The following RYR2 variants were observed in gnomAD, a reference collection of about 807,000 sequenced individuals.
The protein encoded by RYR2 is cardiac muscle ryanodine receptor-calcium release channel.
A neutral mutation model predicts 601.1 loss-of-function variants in RYR2; 227 were observed. The ratio of observed to expected loss-of-function variants is 0.38; its 90% CI spans 0.34 to 0.42. The LOEUF (loss-of-function observed/expected upper bound fraction) is 0.42. RYR2 is among the 10% of genes least tolerant of loss of function. The probability of loss-of-function intolerance (pLI) is 1.00; values close to 1 mark genes in which losing one functional copy is unlikely to be tolerated. For missense variants in RYR2, 4,646 were observed against 6,156.5 expected, an observed-to-expected ratio of 0.75 and a Z score of 8.21; for synonymous variants, 2,223 against 2,175.1, an observed-to-expected ratio of 1.02 and a Z score of -0.61.
At chr1:237,441,273 T>C in intron 12 of RYR2, 46 bp from the exon 13 acceptor site, 2 of 1,605,786 alleles carry the variant, frequency 1.2e-6, no homozygotes, top group Non-Finnish European at 1.7e-6. Flanking sequence ...CATACACTAG[T>C]ATTTTTGAAA....
intron 4 of RYR2, among the ~76,000 whole-genome samples, chr1:237,361,062 C>T (rs1699745829): frequency 6.6e-6 from 1 of 152,196 alleles, no homozygotes; most frequent in East Asian, 1.9e-4. Flanking sequence ...GCTAGTCTTG[C>T]ACTCCTGGGC....
rs1278689418 is a variant in RYR2 at position 237,610,996 on chromosome 1, C to T, written c.4910+8C>T. 1.9e-6 allele frequency: 3 copies of T among 1,605,290 alleles called. No homozygotes were observed. The highest frequency in any genetic ancestry group is 2.2e-5 in the South Asian group (2 of 89,556). ...TATCCCTGAGGAAAACAGGTCAGCC[C>T]CAGTGAATCCCTGACATTCTGATTG... On this transcript the variant is annotated splice_region_variant and intron_variant, in intron 36 of 104. Transcript: ENST00000366574. This position sits in a 1 kb window ranked among gnomAD's most constrained non-coding sequence, Gnocchi z 4.9.
At chr1:237,790,411 T>TACTA (rs1658232448) in intron 92 of RYR2, among the ~76,000 whole-genome samples, 1 of 152,128 alleles carries the variant, frequency 6.6e-6, no homozygotes. Flanking sequence ...TGACGTCTTG[T>TACTA]ACTAACTTTC....
At chr1:237,799,334 G>A (rs1659670167) in intron 97 of RYR2, among the ~76,000 whole-genome samples, 1 of 152,068 alleles carries the variant, frequency 6.6e-6, no homozygotes, top group African/African-American at 2.4e-5. Context: ...AACATTTTCA[G>A]ATCCTTAACA....
At position 237,106,142 on chromosome 1, in the gene RYR2, T is replaced by C. The variant is rs576353501; in HGVS notation, c.48+63573T>C. Among the ~76,000 whole-genome samples, 49 of 152,260 alleles carry C rather than the reference T, an allele frequency of 3.2e-4. No homozygotes were observed. Among genetic ancestry groups the C allele is most frequent in the African/African-American group, 1.1e-3 (47 of 41,558 alleles). ...GGGCTCTTGCTATTACTTTTAGCCA[T>C]ATGGGAGTCATTGCAATCCTTTGAG... On this transcript the variant is annotated intron_variant, in intron 1 of 104. Transcript: ENST00000366574. The surrounding 1 kb of genome is among the most constrained non-coding windows in gnomAD (Gnocchi z 4.4).
chr1:237,387,517 A>G (rs1242501979), intron 9 of RYR2, 137 bp downstream of exon 9: 3 of 717,720 alleles, frequency 4.2e-6, no homozygotes, highest in Non-Finnish European at 7.0e-6. Flanking sequence ...GATACCTGAC[A>G]TTTGAGGATC....
At chr1:237,082,299 AAGCATG>A (rs1665796025) in intron 1 of RYR2, among the ~76,000 whole-genome samples, 6 of 140,686 alleles carry the variant, frequency 4.3e-5, no homozygotes, top group African/African-American at 1.6e-4. Context: ...ACTAAGCACT[AAGCATG>A]ACTCTATTCT....
intron 11 of RYR2, among the ~76,000 whole-genome samples, chr1:237,422,534 A>G (rs1705700295): frequency 6.6e-6 from 1 of 152,002 alleles, no homozygotes; most frequent in Non-Finnish European, 1.5e-5. Flanking sequence ...TAATTGTTCC[A>G]CAATATTAAA....
intron 1 of RYR2, among the ~76,000 whole-genome samples, chr1:237,110,414 C>T (rs570192082): frequency 7.0e-6 from 1 of 142,842 alleles, no homozygotes; most frequent in Non-Finnish European, 1.5e-5. Flanking sequence ...ATCCCTCCCC[C>T]CTCCCCCCAT....
chr1:237,627,452 A>G (rs1679793862), intron 40 of RYR2, among the ~76,000 whole-genome samples: 1 of 152,236 alleles, frequency 6.6e-6, no homozygotes, highest in Non-Finnish European at 1.5e-5. Flanking sequence ...GAAGAAAATA[A>G]TAGAACAAAA....
intron 27 of RYR2, among the ~76,000 whole-genome samples, chr1:237,557,825 C>T (rs141699892): frequency 3.3e-5 from 5 of 152,140 alleles, no homozygotes; most frequent in Admixed American, 2.0e-4. Context: ...TGGTTGGGAA[C>T]ACAGGAATTG....
intron 6 of RYR2, among the ~76,000 whole-genome samples, chr1:237,369,950 C>G (rs1303269769): frequency 6.6e-6 from 1 of 151,906 alleles, no homozygotes; most frequent in African/African-American, 2.4e-5. Flanking sequence ...AATAAGGTAT[C>G]TTTATTGAAA....
At position 237,469,076 on chromosome 1, in the gene RYR2, A is replaced by G. The variant is rs548685178; in HGVS notation, c.1613-16A>G. The stretch of plus-strand genomic sequence containing the variant: ...AGAAAATCACATAAAGGTGAAATCT[A>G]TTTCTTCTTTTGCAGCGGCTCTAAT... On this transcript the variant is annotated splice_polypyrimidine_tract_variant and intron_variant, in intron 16 of 104. Coordinates refer to ENST00000366574, the MANE Select transcript of RYR2 (RefSeq NM_001035.3). 3 of 1,608,040 alleles carry G rather than the reference A, an allele frequency of 1.9e-6. No individual in the cohort carries two copies. Among genetic ancestry groups the G allele is most frequent in the East Asian group, 2.2e-5 (1 of 44,814 alleles).
chr1:237,750,270 A>G (rs1692435081), intron 80 of RYR2, among the ~76,000 whole-genome samples: 1 of 152,194 alleles, frequency 6.6e-6, no homozygotes, highest in South Asian at 2.1e-4. Context: ...TGAAGGGGAA[A>G]AAAAAACTAT....
intron 1 of RYR2, among the ~76,000 whole-genome samples, chr1:237,176,287 A>ATAT (rs11373427): frequency 6.9e-6 from 1 of 145,870 alleles, no homozygotes; most frequent in Non-Finnish European, 1.5e-5. Context: ...ATATAAAAAT[A>ATAT]ATATATAAAT....
At chr1:237,584,906 AT>A (rs35947237) in intron 29 of RYR2, among the ~76,000 whole-genome samples, 55,635 of 149,438 alleles carry the variant, frequency 0.37, 12,012 homozygotes, top group Admixed American at 0.48. Flanking sequence ...CTAATTTGTT[AT>A]TTTTTTTTTT....
intron 40 of RYR2, 136 bp downstream of exon 40, chr1:237,625,940 T>A (rs1263938806): frequency 2.3e-6 from 2 of 877,424 alleles, no homozygotes; most frequent in Non-Finnish European, 1.7e-6. Context: ...CTTAAGTAGA[T>A]GCCTGTAGCT....
chr1:237,794,243 G>C (rs1013244975), intron 95 of RYR2, among the ~76,000 whole-genome samples: 1 of 152,106 alleles, frequency 6.6e-6, no homozygotes, highest in African/African-American at 2.4e-5. Flanking sequence ...AGCACTGATG[G>C]AACTTCACAT....
At chr1:237,253,289 G>T (rs1411755591) in intron 1 of RYR2, among the ~76,000 whole-genome samples, 1 of 152,122 alleles carries the variant, frequency 6.6e-6, no homozygotes. Flanking sequence ...TGACAGGTGA[G>T]TTACCTGGGG....
Sources: gnomAD v4.1 joint callset for allele counts (sites outside exome capture counted in the v4.1 genomes callset) on GRCh38, gnomAD v4.1.1 for gene constraint, Gnocchi (gnomAD v3.1) non-coding constraint, MANE v1.5 for transcripts, NCBI Gene and HGNC (gene_info 2026-07-23, HGNC 2026-07-21) for gene names.